The following LILRB4 variants were observed in gnomAD, a reference collection of about 807,000 sequenced individuals.
LILRB4 encodes the protein leukocyte immunoglobulin-like receptor subfamily B member 4.
A neutral mutation model predicts 55.2 loss-of-function variants in LILRB4; 49 were observed. That is an observed-to-expected ratio of 0.89 (90% confidence interval 0.71 to 1.13). LILRB4 has a LOEUF of 1.13. LILRB4 is among the 50% of genes most tolerant of loss of function. The pLI, the probability that LILRB4 is intolerant of heterozygous loss-of-function variation, is 0.00. For missense variants in LILRB4, 590 were observed against 555.2 expected (o/e 1.06, Z -0.63); for synonymous variants, 229 against 213.8 (o/e 1.07, Z -0.62).
At chr19:54,667,322 A>G (rs1352660012) in intron 10 of LILRB4, 1 of 596,628 alleles carries the variant, frequency 1.7e-6, no homozygotes. Context: ...AGAAGCCTGG[A>G]CGGAGAGGGC....
Position 54,665,334 on chromosome 19 carries a change from G to C in LILRB4, c.757+154G>C, listed in dbSNP as rs1439005838. 1 of 880,046 alleles carries C rather than the reference G, an allele frequency of 1.1e-6. No homozygotes were observed. Among genetic ancestry groups the C allele is most frequent in the Non-Finnish European group, 1.4e-6 (1 of 734,182 alleles). The allele number at this position is 880,046 out of a possible 1,614,324, so 54.5% of individuals were successfully genotyped here. A position where few individuals can be genotyped will look rare whatever the true frequency, so the allele number is the denominator to read the frequency against. On this transcript the variant is annotated intron_variant, in intron 6 of 11. Transcript: ENST00000430952. This position sits in a 1 kb window ranked among gnomAD's most constrained non-coding sequence, Gnocchi z 5.5. ...CTCCAAGTGTAAAGGAGAGAGGCCT[G>C]CGGGTGGGAAAGTTCCTTTCAGCTC...
exon 1 of LILRB4, chr19:54,663,065 T>A: frequency 6.2e-7 from 1 of 1,612,994 alleles, no homozygotes; most frequent in South Asian, 1.1e-5. Flanking sequence ...CTGCTCTGCC[T>A]CGGTGAGATT....
rs1461268511 is a variant in LILRB4 at position 54,663,570 on chromosome 19, G to A, written c.70+3G>A. On this transcript the variant is annotated splice_donor_region_variant and intron_variant, in intron 2 of 11. Coordinates refer to ENST00000430952, the Ensembl canonical transcript of LILRB4. ...CCCCAGGACCCACATGCAGGCAGGT[G>A]AGTCTGTCCCCAGCTGTCCCAGGTC... 6.2e-7 allele frequency: 1 copy of A among 1,613,384 alleles called. No individual in the cohort carries two copies. The highest frequency in any genetic ancestry group is 1.7e-5 in the Admixed American group (1 of 60,026).
chr19:54,663,858 C>A (rs201027770), exon 3 of LILRB4: 46 of 1,614,138 alleles, frequency 2.8e-5, no homozygotes, highest in Non-Finnish European at 3.8e-5. Context: ...TCGGGAGTAC[C>A]GTCTGGATAA....
chr19:54,667,304 G>A, intron 10 of LILRB4: 1 of 588,164 alleles, frequency 1.7e-6, no homozygotes, highest in South Asian at 1.8e-5. Flanking sequence ...CTGCTCAGCT[G>A]TCATCTGAGA....
rs11574576 is a variant in LILRB4, at chr19:54,666,711, A to C, written c.1003A>C (p.Asn335His). The change falls in exon 10 of 12, where the codon AAC (asparagine) becomes CAC (histidine). Residue 335 changes from asparagine (N) to histidine (H), a missense_variant. Physicochemically the swap from Asn to His is moderately conservative, Grantham distance 68 (BLOSUM62 1). Coordinates refer to ENST00000430952, the Ensembl canonical transcript of LILRB4. The surrounding 1 kb of genome is among the most constrained non-coding windows in gnomAD (Gnocchi z 4.8). ...TACCCCAGCAGGTGCTGCCGTGAAG[A>C]ACACACAGCCTGAGGACGGGGTGGA... The C allele has an allele frequency of 4.2e-4, 684 of 1,613,976 alleles. 2 individuals are homozygous for C. The highest frequency in any genetic ancestry group is 3.7e-3 in the African/African-American group (274 of 75,028).
Position 54,665,302 on chromosome 19 carries a change from T to G in LILRB4, c.757+122T>G. 7.6e-7 allele frequency: 1 copy of G among 1,323,248 alleles called. No homozygotes were observed. The highest frequency in any genetic ancestry group is 1.0e-6 in the Non-Finnish European group (1 of 976,250). The allele number at this position is 1,323,248 out of a possible 1,614,324, so 82.0% of individuals were successfully genotyped here. On this transcript the variant is annotated intron_variant, in intron 6 of 11. Transcript: ENST00000430952. This position sits in a 1 kb window ranked among gnomAD's most constrained non-coding sequence, Gnocchi z 5.5. Reference sequence around the variant, plus strand: ...GACAGGCCCCTCCCCTGCATGGGCCTCAGTTTCTCCAAGTGTAAAGGAGAG... The same window carrying G: ...GACAGGCCCCTCCCCTGCATGGGCCGCAGTTTCTCCAAGTGTAAAGGAGAG...
At position 54,665,593 on chromosome 19, in the gene LILRB4, C is replaced by T. The variant is rs2065228647; in HGVS notation, c.758-222C>T. Among the ~76,000 whole-genome samples the T allele has an allele frequency of 6.6e-6, 1 of 152,116 alleles. No homozygotes were observed. The highest frequency in any genetic ancestry group is 1.5e-5 in the Non-Finnish European group (1 of 68,008). ...CTCCCGGGTTTCCTTCCCAGCTCTG[C>T]CGCTTCCTGGCTGGAGGGGTCTGGG... On this transcript the variant is annotated intron_variant, in intron 6 of 11. Coordinates refer to ENST00000430952, the Ensembl canonical transcript of LILRB4. The surrounding 1 kb of genome is among the most constrained non-coding windows in gnomAD (Gnocchi z 5.5).
rs868643322 is a variant in LILRB4, at chr19:54,664,302, G to T, written c.472G>T (p.Glu158Ter). The T allele has an allele frequency of 1.9e-6, 3 of 1,614,036 alleles. No homozygotes were observed. Among genetic ancestry groups the T allele is most frequent in the African/African-American group, 2.7e-5 (2 of 74,918 alleles). Reference sequence around the variant, plus strand: ...AATGGACACTTTTCTTCTGATCAAGGAGCGGGCAGCCCATCCCCTACTGCA... The same window carrying T: ...AATGGACACTTTTCTTCTGATCAAGTAGCGGGCAGCCCATCCCCTACTGCA... Residue 158 changes from glutamate (E) to a stop codon, truncating the protein, a stop_gained, in exon 4 of 12, where the codon GAG (glutamate) becomes TAG (stop). Transcript: ENST00000430952. LOFTEE classifies it high-confidence loss of function.
chr19:54,665,779 G>A lies in LILRB4; in HGVS notation c.758-36G>A. ...ACACACAGTAGGTGTGCACATCAAT[G>A]ACATCATCCCCATTCCTGATGTCAT... is the stretch of plus-strand genomic sequence containing the variant. On this transcript the variant is annotated intron_variant, in intron 6 of 11. Transcript: ENST00000430952. The surrounding 1 kb of genome is among the most constrained non-coding windows in gnomAD (Gnocchi z 5.5). 6.4e-7 allele frequency: 1 copy of A among 1,569,390 alleles called. No individual in the cohort carries two copies. The highest frequency in any genetic ancestry group is 1.9e-5 in the Admixed American group (1 of 52,210).
At chr19:54,664,061 C>G (rs1274181876) in intron 3 of LILRB4, 23 bp downstream of exon 3, 1 of 1,611,980 alleles carries the variant, frequency 6.2e-7, no homozygotes, top group Admixed American at 1.7e-5. Context: ...TCAGGGGTCC[C>G]AGCCCCAGGC....
intron 1 of LILRB4, 117 bp downstream of exon 1, chr19:54,663,184 C>T (rs934185633): frequency 7.0e-5 from 83 of 1,184,278 alleles, no homozygotes; most frequent in African/African-American, 2.9e-4. Flanking sequence ...CGGTGGCTCA[C>T]GCCTGTAATC....
At position 54,665,897 on chromosome 19, in the gene LILRB4, C is replaced by T; in HGVS notation, c.840C>T (p.Leu280=). The T allele has an allele frequency of 6.2e-7, 1 of 1,613,892 alleles. No homozygotes were observed. Among genetic ancestry groups the T allele is most frequent in the Non-Finnish European group, 8.5e-7 (1 of 1,179,986 alleles). ...TCTCCCTCCTCCTCTTCCTCCTCCTCCAACACTGGCGTCAGGGAAAACACA... is the reference window on the plus strand; with the variant it reads ...TCTCCCTCCTCCTCTTCCTCCTCCTTCAACACTGGCGTCAGGGAAAACACA... Residue 280 remains leucine (L), a synonymous_variant, in exon 7 of 12, where the codon CTC becomes CTT. Transcript: ENST00000430952. The surrounding 1 kb of genome is among the most constrained non-coding windows in gnomAD (Gnocchi z 5.5).
Position 54,666,082 on chromosome 19 carries a change from T to G in LILRB4, c.874+151T>G. 8.2e-7 allele frequency: 1 copy of G among 1,226,952 alleles called. No homozygotes were observed. Among genetic ancestry groups the G allele is most frequent in the Non-Finnish European group, 1.2e-6 (1 of 868,810 alleles). 76.0% of individuals were successfully genotyped at this position (1,226,952 alleles called of 1,614,324 possible). Reference sequence around the variant, plus strand: ...AGAAAGAAGAAAATGAATGAGGGAGTAATGGAAGTGCTTTATTCTTTCGGT... The same window carrying G: ...AGAAAGAAGAAAATGAATGAGGGAGGAATGGAAGTGCTTTATTCTTTCGGT... On this transcript the variant is annotated intron_variant, in intron 7 of 11. Transcript: ENST00000430952. This position sits in a 1 kb window ranked among gnomAD's most constrained non-coding sequence, Gnocchi z 4.8.
Position 54,663,307 on chromosome 19 carries a change from G to T in LILRB4, c.35-225G>T, listed in dbSNP as rs1038465571. Reference sequence around the variant, plus strand: ...TAAAAATACAAAAAATTAGCCGGGGGTGGTTGCAGGCGCCTGTGGTCCCAG... The same window carrying T: ...TAAAAATACAAAAAATTAGCCGGGGTTGGTTGCAGGCGCCTGTGGTCCCAG... On this transcript the variant is annotated intron_variant, in intron 1 of 11. Coordinates refer to ENST00000430952, the Ensembl canonical transcript of LILRB4. Among the ~76,000 whole-genome samples the T allele has an allele frequency of 2.0e-5, 3 of 152,108 alleles. No individual in the cohort carries two copies. The South Asian group carries it at 6.2e-4, about 32-fold the overall frequency.
At chr19:54,664,744 G>T (rs1356479265) in intron 4 of LILRB4, 55 bp from the exon 5 acceptor site, 2 of 1,362,808 alleles carry the variant, frequency 1.5e-6, no homozygotes, top group Admixed American at 2.2e-5. Context: ...TCAATTTGAT[G>T]TGGAGACCCA....
At chr19:54,667,533 C>T in intron 10 of LILRB4, 102 bp from the exon 11 acceptor site, 4 of 1,559,618 alleles carry the variant, frequency 2.6e-6, no homozygotes, top group Non-Finnish European at 3.5e-6. Context: ...GAGATTCCGT[C>T]AGGAAAGGGA....
chr19:54,667,543 A>G, intron 10 of LILRB4, 92 bp from the exon 11 acceptor site: 1 of 1,575,404 alleles, frequency 6.3e-7, no homozygotes, highest in Non-Finnish European at 8.6e-7. Flanking sequence ...CAGGAAAGGG[A>G]TGTAATCGGA....
At chr19:54,667,756 A>G (rs988068879) in exon 11 of LILRB4, 1 of 1,611,400 alleles carries the variant, frequency 6.2e-7, no homozygotes, top group Admixed American at 1.7e-5. Context: ...GACACAAAGG[A>G]CAGACAGGCA....
Sources: allele counts gnomAD v4.1 joint callset (sites outside exome capture counted in the v4.1 genomes callset), GRCh38; gene constraint gnomAD v4.1.1; non-coding constraint Gnocchi (gnomAD v3.1); transcripts MANE v1.5; gene names NCBI Gene and HGNC (gene_info 2026-07-23, HGNC 2026-07-21).